The following ESR1 variants were observed in gnomAD, a reference collection of about 807,000 sequenced individuals.
The protein encoded by ESR1 is estrogen receptor 1, also known as estrogen receptor.
In ESR1, 12 loss-of-function variants were observed where a neutral mutation model predicts 52.7. The ratio of observed to expected loss-of-function variants is 0.23; its 90% CI spans 0.15 to 0.37. ESR1 has a LOEUF of 0.37. Ranked by LOEUF, ESR1 falls within the 10% of genes least tolerant of loss-of-function variation. The pLI is 1.00. For missense variants in ESR1, 584 were observed against 779.7 expected, an observed-to-expected ratio of 0.75 and a Z score of 2.99; for synonymous variants, 305 against 316.8, an observed-to-expected ratio of 0.96 and a Z score of 0.39.
chr6:151,984,332 T>C (rs189806442), intron 4 of ESR1, among the ~76,000 whole-genome samples: 55 of 152,182 alleles, frequency 3.6e-4, no homozygotes, highest in Non-Finnish European at 1.0e-4. Context: ...TAAGTTGAAA[T>C]CAGAGACTTT....
chr6:151,801,051 GGTGTGTGTGT>G (rs3062689), upstream of ESR1, among the ~76,000 whole-genome samples: 1 of 147,704 alleles, frequency 6.8e-6, no homozygotes, highest in African/African-American at 2.5e-5. Context: ...TTGATTATGT[GGTGTGTGTGT>G]GTGTGTGTGT....
At chr6:151,889,685 C>G (rs950819763) in intron 3 of ESR1, among the ~76,000 whole-genome samples, 1 of 151,952 alleles carries the variant, frequency 6.6e-6, no homozygotes, top group Non-Finnish European at 1.5e-5. Context: ...TTATTTTCTT[C>G]CTTCTACTAA....
chr6:152,040,634 A>G (rs1199037085), intron 5 of ESR1, among the ~76,000 whole-genome samples: 2 of 152,178 alleles, frequency 1.3e-5, no homozygotes, highest in Non-Finnish European at 2.9e-5. Flanking sequence ...GCACTGCTCA[A>G]AGTTCTGTGC....
In ESR1 at chr6:151,898,540, C is replaced by T. The variant is rs568487152; in HGVS notation, c.760+17769C>T. Among the ~76,000 whole-genome samples the T allele has an allele frequency of 2.6e-5, 4 of 151,932 alleles. No individual in the cohort carries two copies. The South Asian group carries it at 8.3e-4, about 32-fold the overall frequency. ...TCTCTGGTTTTCCTAGGCAGAGGAC[C>T]CTGCGGCCTTCTGCAGTTTTTGTGT... On this transcript the variant is annotated intron_variant, in intron 3 of 7. Transcript: ENST00000206249.
chr6:151,699,959 G>T (rs1025273839), intron 1 of ESR1, among the ~76,000 whole-genome samples: 1 of 151,850 alleles, frequency 6.6e-6, no homozygotes, highest in African/African-American at 2.4e-5. Context: ...CTGAAAATAG[G>T]ATAAGGGGTG....
chr6:151,858,359 C>T (rs1322034424), intron 2 of ESR1, among the ~76,000 whole-genome samples: 1 of 152,220 alleles, frequency 6.6e-6, no homozygotes, highest in Non-Finnish European at 1.5e-5. Context: ...ATTATTAACC[C>T]TAGCTCTATA....
chr6:151,816,179 A>G lies in ESR1; in HGVS notation c.452+7815A>G, dbSNP rs188443572. Among the ~76,000 whole-genome samples the G allele has an allele frequency of 2.5e-3, 380 of 152,336 alleles. 4 individuals carry two copies. Among genetic ancestry groups the G allele is most frequent in the Non-Finnish European group, 3.6e-3 (242 of 68,030 alleles). ...AAAAATGCTGTGACCAAAGGCTCCC[A>G]GGAACCTACCCTATTTTCCCCTCAA... On this transcript the variant is annotated intron_variant, in intron 1 of 7. Coordinates refer to ENST00000206249, the MANE Select transcript of ESR1 (RefSeq NM_000125.4).
intron 3 of ESR1, among the ~76,000 whole-genome samples, chr6:151,919,467 C>A (rs1562547969): frequency 6.6e-6 from 1 of 152,134 alleles, no homozygotes; most frequent in Admixed American, 6.5e-5. Context: ...GGTCTTAGAA[C>A]TTTTCAGAGG....
chr6:152,094,233 C>A lies in ESR1; in HGVS notation c.1370-152C>A. ...ATGCATTAGGAATTTTACACTGTAA[C>A]CCGGTTTTAAATGGGTCCAGAGCAT... On this transcript the variant is annotated intron_variant, in intron 6 of 7. Transcript: ENST00000206249. The surrounding 1 kb of genome is among the most constrained non-coding windows in gnomAD (Gnocchi z 4.6). The A allele has an allele frequency of 3.9e-6, 3 of 774,892 alleles. No homozygotes were observed. The highest frequency in any genetic ancestry group is 6.9e-6 in the Non-Finnish European group (3 of 433,514). 48.0% of individuals were successfully genotyped at this position (774,892 alleles called of 1,614,324 possible). A position where few individuals can be genotyped will look rare whatever the true frequency, so the allele number is the denominator to read the frequency against.
intron 2 of ESR1, among the ~76,000 whole-genome samples, chr6:151,746,310 C>T (rs972382503): frequency 2.0e-5 from 3 of 152,154 alleles, no homozygotes; most frequent in African/African-American, 2.4e-5. Flanking sequence ...CGAATGAGAA[C>T]ACTAAATTAA....
intron 5 of ESR1, among the ~76,000 whole-genome samples, chr6:152,056,178 A>C (rs911590726): frequency 2.0e-5 from 3 of 152,212 alleles, no homozygotes; most frequent in Non-Finnish European, 4.4e-5. Context: ...TCAGAGCTGC[A>C]TATGTAAACC....
At chr6:151,958,549 G>A (rs944838348) in intron 4 of ESR1, among the ~76,000 whole-genome samples, 11 of 152,194 alleles carry the variant, frequency 7.2e-5, no homozygotes, top group African/African-American at 2.7e-4. Context: ...GTGGCAGTTG[G>A]TCATCATGAA....
intron 2 of ESR1, among the ~76,000 whole-genome samples, chr6:151,784,435 CT>C (rs774906325): frequency 3.8e-4 from 58 of 152,070 alleles, no homozygotes; most frequent in Non-Finnish European, 7.6e-4. Flanking sequence ...TATAAAAACA[CT>C]TTAAAAAAAT....
At chr6:152,083,267 A>G (rs2049392445) in intron 6 of ESR1, among the ~76,000 whole-genome samples, 2 of 152,248 alleles carry the variant, frequency 1.3e-5, no homozygotes, top group South Asian at 4.1e-4. Context: ...CAAAATAGAT[A>G]TATAGACTAA....
intron 5 of ESR1, among the ~76,000 whole-genome samples, chr6:152,034,755 C>T (rs1236966424): frequency 6.6e-6 from 1 of 152,176 alleles, no homozygotes; most frequent in Non-Finnish European, 1.5e-5. Context: ...ATTGTCAGTG[C>T]AGACCCACAT....
At chr6:151,858,829 A>G (rs1322743959) in intron 2 of ESR1, among the ~76,000 whole-genome samples, 1 of 152,176 alleles carries the variant, frequency 6.6e-6, no homozygotes, top group Non-Finnish European at 1.5e-5. Context: ...TGAAATGAAA[A>G]GAGTAGAAAT....
chr6:151,658,728 T>A (rs1276974201), intron 1 of ESR1, among the ~76,000 whole-genome samples: 2 of 152,174 alleles, frequency 1.3e-5, no homozygotes, highest in Admixed American at 1.3e-4. Flanking sequence ...CTGGGCACTG[T>A]TCTAAATGTA....
chr6:152,048,287 G>A (rs1010506676), intron 5 of ESR1, among the ~76,000 whole-genome samples: 2 of 149,170 alleles, frequency 1.3e-5, no homozygotes, highest in Non-Finnish European at 3.0e-5. Flanking sequence ...CAGGGGAATT[G>A]CTTGAGGAGG....
rs140103621 is a variant in ESR1, at chr6:151,729,006, A to G, written c.-71+27001A>G. On this transcript the variant is annotated intron_variant, in intron 2 of 2. Coordinates refer to the ESR1 transcript ENST00000404742. ...TGACACATGAACACTTTTATATTCC[A>G]CAACCACTGTGCTCTCCTTTTGGTG... Among the ~76,000 whole-genome samples the G allele has an allele frequency of 7.4e-4, 113 of 152,356 alleles. 1 individual carries two copies. The Middle Eastern group carries it at 0.01, about 14-fold the overall frequency.
Sources: allele counts gnomAD v4.1 joint callset (sites outside exome capture counted in the v4.1 genomes callset), GRCh38; gene constraint gnomAD v4.1.1; non-coding constraint Gnocchi (gnomAD v3.1); transcripts MANE v1.5; gene names NCBI Gene and HGNC (gene_info 2026-07-23, HGNC 2026-07-21).